MDGA2: variants seen among roughly 807,000 people sequenced by gnomAD.
The protein encoded by MDGA2 is MAM domain-containing glycosylphosphatidylinositol anchor protein 2.
MDGA2 carries 40 observed loss-of-function variants against 117.8 expected under a neutral mutation model. The observed-to-expected ratio is 0.34, with a 90% CI of 0.26 to 0.44. The LOEUF (loss-of-function observed/expected upper bound fraction) is 0.44. Ranked by LOEUF, MDGA2 falls within the 20% of genes least tolerant of loss-of-function variation. The pLI is 1.00. For missense variants in MDGA2, 1,123 were observed against 1,250.6 expected (o/e 0.90, Z 1.54); for synonymous variants, 452 against 439.0 (o/e 1.03, Z -0.37).
intron 6 of MDGA2, among the ~76,000 whole-genome samples, chr14:47,066,379 A>T (rs1890081122): frequency 6.6e-6 from 1 of 152,206 alleles, no homozygotes; most frequent in South Asian, 2.1e-4. Context: ...TTTGTGTTGC[A>T]GTCTTGTGTT....
intron 1 of MDGA2, among the ~76,000 whole-genome samples, chr14:47,487,849 G>T (rs562721655): frequency 6.6e-6 from 1 of 152,080 alleles, no homozygotes; most frequent in Non-Finnish European, 1.5e-5. Flanking sequence ...CCCCCAAAAT[G>T]TCCATTATAA....
intron 1 of MDGA2, among the ~76,000 whole-genome samples, chr14:47,552,285 T>C (rs917159830): frequency 1.3e-5 from 2 of 152,222 alleles, no homozygotes; most frequent in South Asian, 2.1e-4. Context: ...TCAAGCTTTC[T>C]TCTGAATTCC....
chr14:46,918,451 C>T (rs969778359), intron 10 of MDGA2, among the ~76,000 whole-genome samples: 1 of 152,130 alleles, frequency 6.6e-6, no homozygotes, highest in Non-Finnish European at 1.5e-5. Flanking sequence ...GAAAGAACTG[C>T]TAATTTGTTT....
At chr14:47,441,194 A>T (rs575873382) in intron 1 of MDGA2, among the ~76,000 whole-genome samples, 1 of 152,242 alleles carries the variant, frequency 6.6e-6, no homozygotes. Context: ...GCAAGATTTG[A>T]TCAAGCAGAG....
At position 47,225,667 on chromosome 14, in the gene MDGA2, T is replaced by TCGG. The variant is rs754738626; in HGVS notation, c.421-7473_421-7472insCCG. Among the ~76,000 whole-genome samples the TCGG allele has an allele frequency of 1.2e-3, 147 of 121,332 alleles. 1 individual carries two copies. Among genetic ancestry groups the TCGG allele is most frequent in the South Asian group, 4.7e-3 (18 of 3,846 alleles). The allele number at this position is 121,332 out of a possible 152,430, so 79.6% of individuals were successfully genotyped here. A position where few individuals can be genotyped will look rare whatever the true frequency, so the allele number is the denominator to read the frequency against. ...TCACACTCTGGGGACTGTTGTGGGG[T>TCGG]GGGGGGAGTGGGGAGGGATAGCATT... is the stretch of plus-strand genomic sequence containing the variant. On this transcript the variant is annotated intron_variant, in intron 2 of 16. Transcript: ENST00000399232.
intron 1 of MDGA2, among the ~76,000 whole-genome samples, chr14:47,432,655 A>G (rs767275644): frequency 6.6e-6 from 1 of 152,106 alleles, no homozygotes; most frequent in African/African-American, 2.4e-5. Context: ...GGTTGCCTTG[A>G]ATATAAAATT....
intron 1 of MDGA2, among the ~76,000 whole-genome samples, chr14:47,420,349 A>G (rs184616656): frequency 9.2e-5 from 14 of 152,260 alleles, no homozygotes; most frequent in Admixed American, 5.9e-4. Context: ...ACTATATCTA[A>G]TATCTTTCCT....
chr14:47,662,606 T>C (rs1022955732), intron 1 of MDGA2, among the ~76,000 whole-genome samples: 1 of 152,052 alleles, frequency 6.6e-6, no homozygotes, highest in East Asian at 1.9e-4. Flanking sequence ...AACTGCAAAA[T>C]CACAGGAAGC....
At chr14:47,211,021 T>C (rs980975479) in intron 3 of MDGA2, among the ~76,000 whole-genome samples, 5 of 152,130 alleles carry the variant, frequency 3.3e-5, no homozygotes, top group Non-Finnish European at 7.3e-5. Context: ...TTACAATTTA[T>C]TTATTTTGCA....
At chr14:47,282,197 A>G (rs1566718442) in intron 2 of MDGA2, among the ~76,000 whole-genome samples, 1 of 152,158 alleles carries the variant, frequency 6.6e-6, no homozygotes, top group East Asian at 1.9e-4. Flanking sequence ...AAATGTGGCC[A>G]TTCATTCTTT....
At chr14:46,911,257 A>C (rs1256420273) in intron 10 of MDGA2, among the ~76,000 whole-genome samples, 1 of 152,226 alleles carries the variant, frequency 6.6e-6, no homozygotes, top group African/African-American at 2.4e-5. Context: ...CCAAAACTTG[A>C]AGTCTGATAA....
At chr14:47,618,623 A>G (rs1052525605) in intron 1 of MDGA2, among the ~76,000 whole-genome samples, 6 of 152,120 alleles carry the variant, frequency 3.9e-5, no homozygotes, top group Non-Finnish European at 7.4e-5. Context: ...CTAATATTTT[A>G]TTTTATCTAC....
At chr14:47,657,681 C>G (rs866665745) in intron 1 of MDGA2, among the ~76,000 whole-genome samples, 2 of 152,228 alleles carry the variant, frequency 1.3e-5, no homozygotes, top group Middle Eastern at 3.4e-3. Flanking sequence ...TGTGATATAC[C>G]TAAAACAGGA....
At chr14:47,423,041 T>G (rs979448392) in intron 1 of MDGA2, among the ~76,000 whole-genome samples, 1 of 152,192 alleles carries the variant, frequency 6.6e-6, no homozygotes, top group African/African-American at 2.4e-5. Flanking sequence ...CTTCTATGTA[T>G]GTGGAAGATA....
chr14:47,012,609 T>C (rs1243659730), intron 8 of MDGA2, among the ~76,000 whole-genome samples: 1 of 152,186 alleles, frequency 6.6e-6, no homozygotes, highest in East Asian at 1.9e-4. Flanking sequence ...ATAAAGCACT[T>C]ACTATAGTGT....
intron 3 of MDGA2, among the ~76,000 whole-genome samples, chr14:47,188,482 C>G (rs981610380): frequency 6.6e-6 from 1 of 152,082 alleles, no homozygotes; most frequent in Non-Finnish European, 1.5e-5. Flanking sequence ...GAATCTGCCC[C>G]GAGTCAAACT....
chr14:47,557,180 T>A (rs1376817176), intron 1 of MDGA2, among the ~76,000 whole-genome samples: 1 of 152,154 alleles, frequency 6.6e-6, no homozygotes, highest in Non-Finnish European at 1.5e-5. Flanking sequence ...AATTGAACTA[T>A]CCCCAGAATG....
At chr14:46,895,174 C>T (rs1883027142) in intron 10 of MDGA2, among the ~76,000 whole-genome samples, 1 of 152,078 alleles carries the variant, frequency 6.6e-6, no homozygotes, top group Non-Finnish European at 1.5e-5. Context: ...ATAATCTTCA[C>T]GTGGTGTGGG....
intron 3 of MDGA2, among the ~76,000 whole-genome samples, chr14:47,211,646 ATC>A (rs1885887933): frequency 6.6e-6 from 1 of 152,152 alleles, no homozygotes; most frequent in Non-Finnish European, 1.5e-5. Context: ...GGCAGACACT[ATC>A]TCTATTGTCC....
Sources: gnomAD v4.1 joint callset for allele counts (sites outside exome capture counted in the v4.1 genomes callset) on GRCh38, gnomAD v4.1.1 for gene constraint, MANE v1.5 for transcripts, NCBI Gene and HGNC (gene_info 2026-07-23, HGNC 2026-07-21) for gene names.